Variants in REPS2 observed in about 807,000 individuals in gnomAD.
REPS2 encodes ralBP1-associated Eps domain-containing protein 2.
A neutral mutation model predicts 53.6 loss-of-function variants in REPS2; 23 were observed. That is an observed-to-expected ratio of 0.43 (90% CI 0.31 to 0.61). The LOEUF (loss-of-function observed/expected upper bound fraction) is 0.61. REPS2 is among the 20% of genes least tolerant of loss of function. The pLI, the probability that REPS2 is intolerant of heterozygous loss-of-function variation, is 0.11. For synonymous variants in REPS2, 238 were observed against 218.6 expected (o/e 1.09, Z -0.78); for missense variants, 446 against 534.9 (o/e 0.83, Z 1.64).
the REPS2 span, among the ~76,000 whole-genome samples, chrX:17,173,170 C>G: frequency 8.0e-5 from 9 of 112,170 alleles, no homozygotes; most frequent in Non-Finnish European, 1.5e-4. Context: ...TTCCATGAAT[C>G]AGGAGTTCAG....
rs1354704232 is a variant in REPS2, at chrX:16,946,706, C to T, written c.-156C>T. The T allele has an allele frequency of 1.7e-6, 1 of 597,209 alleles. No homozygotes were observed. Among genetic ancestry groups the T allele is most frequent in the Middle Eastern group, 9.7e-4 (1 of 1,032 alleles). 49.2% of individuals were successfully genotyped at this position (597,209 alleles called of 1,213,427 possible). On this transcript the variant is annotated 5_prime_UTR_variant, in exon 1 of 18. Transcript: ENST00000357277. Reference sequence around the variant, plus strand: ...CCGGCGCGCGCCGGGAGGAAGCGGCCGCGCGGCAGCTGCGGGGCGTGGGGG... The same window carrying T: ...CCGGCGCGCGCCGGGAGGAAGCGGCTGCGCGGCAGCTGCGGGGCGTGGGGG...
intron 11 of REPS2, among the ~76,000 whole-genome samples, chrX:17,070,440 A>G (rs1251816093): frequency 8.9e-6 from 1 of 112,119 alleles, no homozygotes; most frequent in Non-Finnish European, 1.9e-5. Context: ...AGGCAACTAT[A>G]TGTGCTTATA....
chrX:16,976,365 G>A (rs774355703), intron 1 of REPS2, among the ~76,000 whole-genome samples: 1 of 110,533 alleles, frequency 9.0e-6, no homozygotes, highest in Non-Finnish European at 1.9e-5. Flanking sequence ...ATTTTGGAGG[G>A]GGTGAGTACA....
chrX:17,127,978 C>T (rs1411308401), intron 14 of REPS2, among the ~76,000 whole-genome samples: 2 of 111,604 alleles, frequency 1.8e-5, no homozygotes. Flanking sequence ...GTTAGGACTG[C>T]TTGGGTGTCC....
chrX:17,145,049 C>G (rs1259157996), intron 17 of REPS2, among the ~76,000 whole-genome samples: 7 of 112,165 alleles, frequency 6.2e-5, no homozygotes, highest in Non-Finnish European at 1.3e-4. Flanking sequence ...AGAATTCCCA[C>G]ATTTATTTTC....
chrX:17,081,371 A>G (rs1434583435), intron 13 of REPS2, among the ~76,000 whole-genome samples: 1 of 112,410 alleles, frequency 8.9e-6, no homozygotes, highest in Non-Finnish European at 1.9e-5. Flanking sequence ...AAATAGAATA[A>G]AAAATTGTAG....
At chrX:17,050,141 CCTTTCTTTCTTTCTTTCTTTCTTT>C (rs774556038) in intron 6 of REPS2, among the ~76,000 whole-genome samples, 6 of 20,383 alleles carry the variant, frequency 2.9e-4, no homozygotes, top group African/African-American at 4.8e-4. Context: ...TTCCTTTCTT[CCTTTCTTTCTTTCTTTCTTTCTTT>C]CTTTCTTTCT....
At chrX:17,184,297 C>T in the REPS2 span, among the ~76,000 whole-genome samples, 11 of 104,383 alleles carry the variant, frequency 1.1e-4, no homozygotes, top group South Asian at 1.4e-3. Context: ...TTTGTTCTTG[C>T]GATAGTTTAC....
At position 17,148,790 on chromosome X, in the gene REPS2, G is replaced by A. The variant is rs2063539942; in HGVS notation, c.*1309G>A. 1.5e-5 allele frequency: 4 copies of A among 271,081 alleles called. No homozygotes were observed. In the Admixed American group the frequency reaches 1.7e-4, roughly 11 times the overall value. The allele number at this position is 271,081 out of a possible 1,213,427, so 22.3% of individuals were successfully genotyped here. A position where few individuals can be genotyped will look rare whatever the true frequency, so the allele number is the denominator to read the frequency against. ...GGCATGCCAGCGTTAACACCACTTT[G>A]AGAGACCAATGGCAAGAAATGCTGT... On this transcript the variant is annotated 3_prime_UTR_variant, in exon 18 of 18. Transcript: ENST00000357277.
At position 17,130,330 on chromosome X, in the gene REPS2, C is replaced by A. The variant is rs758238524; in HGVS notation, c.1579-3494C>A. Among the ~76,000 whole-genome samples, 5 of 111,913 alleles carry A rather than the reference C, an allele frequency of 4.5e-5. No homozygotes were observed. In the South Asian group the frequency reaches 1.5e-3, roughly 34 times the overall value. ...GAGTTCCCCCTCACTCCTGCTTCTCCTGTGTTTCCCATCTTGGGGATTGAC... is the reference window on the plus strand; with the variant it reads ...GAGTTCCCCCTCACTCCTGCTTCTCATGTGTTTCCCATCTTGGGGATTGAC... On this transcript the variant is annotated intron_variant, in intron 14 of 17. Transcript: ENST00000357277.
chrX:17,107,511 C>T (rs925998317), intron 14 of REPS2, among the ~76,000 whole-genome samples: 7 of 112,171 alleles, frequency 6.2e-5, no homozygotes, highest in African/African-American at 2.3e-4. Context: ...TTTCTACATA[C>T]ACCAAAAGCA....
intron 2 of REPS2, among the ~76,000 whole-genome samples, chrX:17,019,843 AC>A (rs1270662760): frequency 2.7e-5 from 3 of 111,817 alleles, no homozygotes; most frequent in South Asian, 7.5e-4. Flanking sequence ...ACCAAAAAAA[AC>A]ATTCAGACTG....
intron 1 of REPS2, among the ~76,000 whole-genome samples, chrX:16,965,345 C>T (rs1221810005): frequency 2.1e-4 from 16 of 76,104 alleles, no homozygotes; most frequent in Middle Eastern, 7.9e-3. Context: ...CCGGACGGGG[C>T]GGCTGGCCGG....
chrX:16,987,736 T>C (rs1386497033), intron 1 of REPS2, among the ~76,000 whole-genome samples: 2 of 112,474 alleles, frequency 1.8e-5, no homozygotes, highest in Non-Finnish European at 3.8e-5. Context: ...CATGTTCCAA[T>C]AAAATTTATT....
chrX:17,013,328 G>GT (rs1372405723), intron 2 of REPS2, among the ~76,000 whole-genome samples: 3 of 111,935 alleles, frequency 2.7e-5, no homozygotes, highest in African/African-American at 9.7e-5. Context: ...TAGTTTTTTT[G>GT]TTTTTTTAAT....
intron 1 of REPS2, among the ~76,000 whole-genome samples, chrX:16,964,627 C>T (rs1440753772): frequency 2.9e-4 from 30 of 104,755 alleles, no homozygotes; most frequent in Non-Finnish European, 3.8e-4. Flanking sequence ...CGCCCCTCAC[C>T]TCCCGGACGG....
At chrX:17,103,585 C>T (rs2062835112) in intron 13 of REPS2, 133 bp from the exon 14 acceptor site, 3 of 537,076 alleles carry the variant, frequency 5.6e-6, no homozygotes, top group African/African-American at 4.7e-5. Flanking sequence ...TTTTCTTAAG[C>T]CTTCAGAAGG....
At chrX:17,018,617 T>A (rs1401856376) in intron 2 of REPS2, among the ~76,000 whole-genome samples, 1 of 86,436 alleles carries the variant, frequency 1.2e-5, no homozygotes. Context: ...TTTTTTTTTT[T>A]AATGTGGCTC....
intron 14 of REPS2, among the ~76,000 whole-genome samples, chrX:17,117,948 CTTTTTTTTT>C (rs145872769): frequency 3.6e-4 from 11 of 30,983 alleles, no homozygotes; most frequent in African/African-American, 1.0e-3. Context: ...TGTTTCCTGA[CTTTTTTTTT>C]TTTTTTTTTT....
Sources: allele counts gnomAD v4.1 joint callset (sites outside exome capture counted in the v4.1 genomes callset), GRCh38; gene constraint gnomAD v4.1.1; transcripts MANE v1.5; gene names NCBI Gene and HGNC (gene_info 2026-07-23, HGNC 2026-07-21).